Variants in SLC45A2 observed in about 807,000 individuals in gnomAD.
SLC45A2 encodes the protein membrane-associated transporter protein.
In SLC45A2, 36 loss-of-function variants were observed where a neutral mutation model predicts 45.5. The ratio of observed to expected loss-of-function variants is 0.79; its 90% confidence interval spans 0.61 to 1.04. SLC45A2 has a LOEUF of 1.04. Ranked by LOEUF, SLC45A2 falls within the 50% of genes least tolerant of loss-of-function variation. The pLI, the probability that SLC45A2 is intolerant of heterozygous loss-of-function variation, is 0.00. For missense variants in SLC45A2, 719 were observed against 671.0 expected (o/e 1.07, Z -0.79); for synonymous variants, 306 against 269.3 (o/e 1.14, Z -1.33).
chr5:33,969,062 T>TC (rs1561367355), intron 2 of SLC45A2, among the ~76,000 whole-genome samples: 38 of 111,174 alleles, frequency 3.4e-4, no homozygotes, highest in African/African-American at 1.3e-3. Context: ...TCTCTCTCTC[T>TC]CTCTGTGTGT....
At chr5:33,954,879 T>C (rs150822770) in intron 3 of SLC45A2, among the ~76,000 whole-genome samples, 110 of 152,322 alleles carry the variant, frequency 7.2e-4, no homozygotes, top group Admixed American at 2.8e-3. Flanking sequence ...CTTGGGTCTC[T>C]TAACTGTGAG....
chr5:33,981,282 A>G (rs1323620400), intron 2 of SLC45A2, among the ~76,000 whole-genome samples: 1 of 152,246 alleles, frequency 6.6e-6, no homozygotes, highest in Non-Finnish European at 1.5e-5. Context: ...TGCTCAAATG[A>G]CAAATATTGG....
chr5:33,951,599 A>G lies in SLC45A2; in HGVS notation c.1111T>C (p.Cys371Arg). The change falls in exon 5 of 7, where the codon TGT becomes CGT. Residue 371 changes from cysteine (C) to arginine (R), a missense_variant. Coordinates refer to ENST00000296589, the MANE Select transcript of SLC45A2 (RefSeq NM_016180.5). ...ACGGAGTTGATGCACAAGCCCCAAC[A>G]TCCAACCTCGACTCCTCTTTCGTAG... ...LIYERGVEVG[C>R]WGLCINSVFS... The G allele has an allele frequency of 6.2e-7, 1 of 1,614,168 alleles. No individual in the cohort carries two copies. Among genetic ancestry groups the G allele is most frequent in the Non-Finnish European group, 8.5e-7 (1 of 1,179,998 alleles).
At chr5:33,966,533 C>CG (rs1478389873) in intron 2 of SLC45A2, among the ~76,000 whole-genome samples, 1 of 149,466 alleles carries the variant, frequency 6.7e-6, no homozygotes, top group East Asian at 2.1e-4. Context: ...CTCCGCTTCC[C>CG]GGGTTCACGC....
At chr5:33,962,141 T>G (rs1752473922) in intron 3 of SLC45A2, among the ~76,000 whole-genome samples, 1 of 152,242 alleles carries the variant, frequency 6.6e-6, no homozygotes, top group Non-Finnish European at 1.5e-5. Flanking sequence ...AGATCTGAAC[T>G]GATACATTGT....
chr5:33,947,298 C>T lies in SLC45A2; in HGVS notation c.1233G>A (p.Gly411=), dbSNP rs758782256. 5.0e-6 allele frequency: 8 copies of T among 1,614,212 alleles called. No individual in the cohort carries two copies. The South Asian group carries it at 8.8e-5, about 18-fold the overall frequency. ...TCGGGAAGAGCCCAATAAATCCCGT[C>T]CCCAGGCCAAACAGCAAATATCCCG... The part of the protein sequence containing the change: ...YFTGYLLFGL[G]TGFIGLFPNV... The change falls in exon 6 of 7, where the codon GGG becomes GGA. Residue 411 remains glycine (G), a synonymous_variant. Coordinates refer to ENST00000296589, the MANE Select transcript of SLC45A2 (RefSeq NM_016180.5).
At chr5:33,973,149 C>T (rs113870907) in intron 2 of SLC45A2, among the ~76,000 whole-genome samples, 2,077 of 152,228 alleles carry the variant, frequency 0.014, 49 homozygotes, top group African/African-American at 0.048. Flanking sequence ...CAATTGGTAC[C>T]TGGGAAAGCA....
rs1439570275 is a variant in SLC45A2, at chr5:33,982,347, G to C, written c.451C>G (p.Leu151Val). ...AISVTMIGVV[L>V]FDFAADFIDG... ...ATGAAGTCGGCAGCAAAATCAAAGAGAACGACACCTATCATGGTGACACTT... is the reference window on the plus strand; with the variant it reads ...ATGAAGTCGGCAGCAAAATCAAAGACAACGACACCTATCATGGTGACACTT... Residue 151 changes from leucine (L) to valine (V), a missense_variant, in exon 2 of 7, where the codon CTC (leucine) becomes GTC (valine). Physicochemically the swap from Leu to Val is conservative, Grantham distance 32 (BLOSUM62 1). Coordinates refer to ENST00000296589, the MANE Select transcript of SLC45A2 (RefSeq NM_016180.5). 1 of 1,614,130 alleles carries C rather than the reference G, an allele frequency of 6.2e-7. No individual in the cohort carries two copies. The highest frequency in any genetic ancestry group is 1.3e-5 in the African/African-American group (1 of 75,026).
chr5:33,949,305 T>C (rs16891977), intron 5 of SLC45A2, among the ~76,000 whole-genome samples: 5,504 of 152,204 alleles, frequency 0.036, 355 homozygotes, highest in African/African-American at 0.13. Context: ...AAGGAAAGGA[T>C]TGATTCTGCC....
chr5:33,975,111 C>T (rs1398349461), intron 2 of SLC45A2, among the ~76,000 whole-genome samples: 1 of 151,714 alleles, frequency 6.6e-6, no homozygotes, highest in Non-Finnish European at 1.5e-5. Flanking sequence ...TGCTCTGAGC[C>T]ATCCACACAA....
chr5:33,980,267 G>A (rs200197605), intron 2 of SLC45A2, among the ~76,000 whole-genome samples: 11 of 147,716 alleles, frequency 7.4e-5, no homozygotes, highest in Non-Finnish European at 7.5e-5. Flanking sequence ...GGCTTTCCAA[G>A]AAAAAAAAAA....
chr5:33,945,896 G>A (rs1751907830), intron 6 of SLC45A2: 2 of 886,730 alleles, frequency 2.3e-6, no homozygotes, highest in Non-Finnish European at 2.7e-6. Context: ...ATTTAAAAAT[G>A]CCGGAAAGAT....
At chr5:33,983,326 A>G (rs535782877) in intron 1 of SLC45A2, among the ~76,000 whole-genome samples, 1 of 152,314 alleles carries the variant, frequency 6.6e-6, no homozygotes, top group East Asian at 1.9e-4. Flanking sequence ...TAGATTATAT[A>G]CACGTTTTAA....
intron 6 of SLC45A2, among the ~76,000 whole-genome samples, chr5:33,945,214 G>GT (rs1277398376): frequency 2.0e-5 from 3 of 152,202 alleles, no homozygotes; most frequent in South Asian, 2.1e-4. Flanking sequence ...TCTTTTGAAA[G>GT]TTTTTTTCAA....
chr5:33,964,815 T>C (rs541086150), intron 2 of SLC45A2, among the ~76,000 whole-genome samples: 20 of 152,276 alleles, frequency 1.3e-4, no homozygotes, highest in African/African-American at 4.1e-4. Flanking sequence ...CTTTTTTGAG[T>C]TTCTGTTTTA....
chr5:33,970,570 G>A (rs1005966621), intron 2 of SLC45A2, among the ~76,000 whole-genome samples: 1 of 147,526 alleles, frequency 6.8e-6, no homozygotes, highest in Non-Finnish European at 1.5e-5. Context: ...CTGGCTTGTT[G>A]GTTGGTTGGT....
In SLC45A2 at chr5:33,964,060, C is replaced by T. The variant is rs79147807; in HGVS notation, c.563-44G>A. 961 of 1,593,334 alleles carry T rather than the reference C, an allele frequency of 6.0e-4. 14 individuals carry two copies. In the South Asian group the frequency reaches 8.4e-3, roughly 14 times the overall value. On this transcript the variant is annotated intron_variant, in intron 2 of 6. Coordinates refer to ENST00000296589, the MANE Select transcript of SLC45A2 (RefSeq NM_016180.5). ...TATGTTAGCATATTTAGCAAATTAT[C>T]GTTCATTTTCCTCATGCATAGACAC...
intron 2 of SLC45A2, among the ~76,000 whole-genome samples, chr5:33,973,766 ATAGCGGAAATCAAGTAAATATAAACAT>A (rs1377766128): frequency 6.9e-6 from 1 of 145,822 alleles, no homozygotes; most frequent in Non-Finnish European, 1.5e-5. Context: ...CGTAGTGAGG[ATAGCGGAAATCAAGTAAATATAAACAT>A]TTGGCGTTTC....
chr5:33,973,431 G>T (rs977265014), intron 2 of SLC45A2, among the ~76,000 whole-genome samples: 1 of 152,176 alleles, frequency 6.6e-6, no homozygotes, highest in African/African-American at 2.4e-5. Context: ...CAAAGGTTTT[G>T]TTTGATGAAA....
Sources: allele counts gnomAD v4.1 joint callset (sites outside exome capture counted in the v4.1 genomes callset), GRCh38; gene constraint gnomAD v4.1.1; transcripts MANE v1.5; gene names NCBI Gene and HGNC (gene_info 2026-07-23, HGNC 2026-07-21).